The following TDRD12 variants were observed in gnomAD, a reference collection of about 807,000 sequenced individuals.
The protein encoded by TDRD12 is putative ATP-dependent RNA helicase TDRD12.
A neutral mutation model predicts 133.5 loss-of-function variants in TDRD12; 158 were observed. The ratio of observed to expected loss-of-function variants is 1.18; its 90% CI spans 1.04 to 1.35. The LOEUF is 1.35. Among genes scored for constraint, TDRD12 ranks in the 40% most tolerant of loss-of-function variants. TDRD12 has a pLI of 0.00. For missense variants in TDRD12, 1,443 were observed against 1,321.3 expected, an observed-to-expected ratio of 1.09 and a Z score of -1.43; for synonymous variants, 460 against 477.9, an observed-to-expected ratio of 0.96 and a Z score of 0.49.
chr19:32,778,400 TC>T (rs1315669987), intron 11 of TDRD12, among the ~76,000 whole-genome samples: 1 of 152,208 alleles, frequency 6.6e-6, no homozygotes, highest in East Asian at 1.9e-4. Context: ...GTCGTTATTT[TC>T]CTTGGAACAG....
At chr19:32,724,186 T>C (rs1968784838) in intron 1 of TDRD12, among the ~76,000 whole-genome samples, 1 of 152,206 alleles carries the variant, frequency 6.6e-6, no homozygotes, top group Admixed American at 6.6e-5. Flanking sequence ...ATTTCCAATT[T>C]CCATTTCTGG....
chr19:32,739,134 G>A (rs1017734555), intron 3 of TDRD12, 142 bp downstream of exon 3: 1 of 1,048,260 alleles, frequency 9.5e-7, no homozygotes, highest in Non-Finnish European at 1.4e-6. Context: ...TCCAGAAGGG[G>A]TGCTTTCTGG....
intron 11 of TDRD12, among the ~76,000 whole-genome samples, chr19:32,780,664 A>C (rs958451808): frequency 1.3e-5 from 2 of 152,048 alleles, no homozygotes; most frequent in Admixed American, 1.3e-4. Context: ...ATGAGTGTTC[A>C]TTGTCCCTGG....
chr19:32,731,915 T>G, intron 2 of TDRD12, 32 bp downstream of exon 2: 1 of 1,490,382 alleles, frequency 6.7e-7, no homozygotes, highest in Non-Finnish European at 8.9e-7. Context: ...AATCACTGTG[T>G]ATTGAAACAC....
downstream of TDRD12, among the ~76,000 whole-genome samples, chr19:32,821,896 T>C (rs1057259676): frequency 2.0e-5 from 3 of 152,346 alleles, no homozygotes; most frequent in South Asian, 2.1e-4. Context: ...GCCAGGCTAA[T>C]TGCACGGACT....
intron 2 of TDRD12, among the ~76,000 whole-genome samples, chr19:32,734,575 G>A (rs1188891192): frequency 6.6e-6 from 1 of 151,818 alleles, no homozygotes; most frequent in Admixed American, 6.6e-5. Context: ...GTTTCGCCAT[G>A]TTGCCCAGGC....
chr19:32,742,890 A>G, exon 4 of TDRD12: 1 of 1,551,580 alleles, frequency 6.4e-7, no homozygotes, highest in Non-Finnish European at 8.7e-7. Context: ...CCGAGACAGT[A>G]CTGACATTGT....
chr19:32,823,441 G>A (rs571461660), downstream of TDRD12, among the ~76,000 whole-genome samples: 182 of 152,266 alleles, frequency 1.2e-3, 1 homozygote, highest in African/African-American at 4.3e-3. Context: ...GATGGGTTTA[G>A]ACGCATTTCA....
chr19:32,729,778 C>CTTTTTT (rs1162347194), intron 1 of TDRD12, among the ~76,000 whole-genome samples: 7,157 of 74,332 alleles, frequency 0.096, 162 homozygotes, highest in Non-Finnish European at 0.12. Context: ...TTTTCTTTTT[C>CTTTTTT]TTTTTTTTTT....
intron 8 of TDRD12, among the ~76,000 whole-genome samples, chr19:32,768,397 T>C (rs1007897861): frequency 4.0e-5 from 6 of 151,584 alleles, no homozygotes; most frequent in African/African-American, 1.2e-4. Context: ...TTTTTTTTTT[T>C]TTTCTTTTCA....
At position 32,763,783 on chromosome 19, in the gene TDRD12, A is replaced by G. The variant is rs555628574; in HGVS notation, c.865+6653A>G. On this transcript the variant is annotated intron_variant, in intron 8 of 27. Transcript: ENST00000444215. ...CCAGCAAATTGTCAGTTTACAGTTC[A>G]GGTTTCCCTCCTCACTCCTGGTCCC... Among the ~76,000 whole-genome samples the G allele has an allele frequency of 2.6e-5, 4 of 152,292 alleles. No individual in the cohort carries two copies. The South Asian group carries it at 8.3e-4, about 32-fold the overall frequency.
chr19:32,821,409 T>TGTGTGTGC (rs764198087), downstream of TDRD12: 6 of 139,186 alleles, frequency 4.3e-5, no homozygotes, highest in Non-Finnish European at 4.4e-5. Flanking sequence ...TGTGTGTGTG[T>TGTGTGTGC]GCGTGTGAAC....
chr19:32,792,616 G>T (rs1213259734), intron 13 of TDRD12, among the ~76,000 whole-genome samples: 1 of 152,104 alleles, frequency 6.6e-6, no homozygotes, highest in Non-Finnish European at 1.5e-5. Context: ...CTGAAAAATG[G>T]GATTTCTAGG....
chr19:32,769,207 G>T (rs968363646), intron 8 of TDRD12, among the ~76,000 whole-genome samples: 1 of 150,156 alleles, frequency 6.7e-6, no homozygotes, highest in East Asian at 2.0e-4. Flanking sequence ...TCCTATTTAA[G>T]AAATCTTTGC....
intron 1 of TDRD12, 90 bp downstream of exon 1, chr19:32,720,186 T>A: frequency 9.5e-7 from 1 of 1,048,686 alleles, no homozygotes; most frequent in Non-Finnish European, 1.2e-6. Context: ...CCACCCCAGC[T>A]CCGCACAGCT....
intron 27 of TDRD12, among the ~76,000 whole-genome samples, chr19:32,819,288 G>T (rs1967296175): frequency 6.7e-6 from 1 of 148,562 alleles, no homozygotes; most frequent in South Asian, 2.1e-4. Context: ...CTGCACTCCA[G>T]CCTGGGTGAC....
At chr19:32,803,959 A>G (rs751471116) in intron 21 of TDRD12, among the ~76,000 whole-genome samples, 3 of 151,930 alleles carry the variant, frequency 2.0e-5, no homozygotes, top group Non-Finnish European at 4.4e-5. Flanking sequence ...ATATATACTC[A>G]ACATAAGTAC....
chr19:32,788,008 A>T (rs1178564923), intron 11 of TDRD12, among the ~76,000 whole-genome samples: 1 of 151,834 alleles, frequency 6.6e-6, no homozygotes, highest in East Asian at 1.9e-4. Flanking sequence ...GAAATCACCC[A>T]TCTTCTGCAT....
At chr19:32,780,798 T>G (rs1970741709) in intron 11 of TDRD12, among the ~76,000 whole-genome samples, 2 of 150,488 alleles carry the variant, frequency 1.3e-5, no homozygotes, top group Admixed American at 6.6e-5. Context: ...TCCTTGGGTT[T>G]TTTTTTTTTT....
Sources: gnomAD v4.1 joint callset for allele counts (sites outside exome capture counted in the v4.1 genomes callset) on GRCh38, gnomAD v4.1.1 for gene constraint, MANE v1.5 for transcripts, NCBI Gene and HGNC (gene_info 2026-07-23, HGNC 2026-07-21) for gene names.